ATXN1: variants seen among roughly 807,000 people sequenced by gnomAD.
ATXN1 encodes the protein ataxin 1.
Under a neutral mutation model 56.4 loss-of-function variants are expected in ATXN1, and 8 were observed. The observed-to-expected ratio is 0.14, with a 90% CI of 0.08 to 0.26. ATXN1 has a LOEUF of 0.26. Among genes scored for constraint, ATXN1 ranks in the 10% least tolerant of loss-of-function variants. ATXN1 has a pLI of 1.00. For missense variants in ATXN1, 987 were observed against 1,106.5 expected (o/e 0.89, Z 1.53); for synonymous variants, 514 against 494.6 (o/e 1.04, Z -0.52).
intron 6 of ATXN1, among the ~76,000 whole-genome samples, chr6:16,443,030 A>C (rs191853947): frequency 2.8e-3 from 428 of 151,014 alleles, no homozygotes; most frequent in Non-Finnish European, 4.4e-3. Flanking sequence ...AACAAACAAA[A>C]AAAATAGCGG....
At chr6:16,636,648 T>C (rs755424789) in intron 3 of ATXN1, among the ~76,000 whole-genome samples, 2 of 152,230 alleles carry the variant, frequency 1.3e-5, no homozygotes, top group Non-Finnish European at 2.9e-5. Flanking sequence ...AATGGTATCA[T>C]GAATTAATAT....
chr6:16,321,393 A>G (rs574313950), intron 7 of ATXN1, among the ~76,000 whole-genome samples: 2 of 152,110 alleles, frequency 1.3e-5, no homozygotes, highest in African/African-American at 4.8e-5. Flanking sequence ...CAAAGCAGCA[A>G]CTCTCTTCCA....
chr6:16,364,618 G>C (rs1203661540), intron 6 of ATXN1, among the ~76,000 whole-genome samples: 1 of 152,126 alleles, frequency 6.6e-6, no homozygotes, highest in Non-Finnish European at 1.5e-5. Context: ...TAGATATTTT[G>C]AGGTGGTAAG....
intron 6 of ATXN1, among the ~76,000 whole-genome samples, chr6:16,451,721 C>T (rs1399955051): frequency 9.9e-5 from 15 of 151,492 alleles, no homozygotes; most frequent in Admixed American, 1.3e-4. Flanking sequence ...TGCCATTGCT[C>T]TCCAGCGTGG....
At chr6:16,748,331 C>T (rs975536444) in intron 2 of ATXN1, among the ~76,000 whole-genome samples, 1 of 152,146 alleles carries the variant, frequency 6.6e-6, no homozygotes, top group Non-Finnish European at 1.5e-5. Flanking sequence ...ACTTCCTAGA[C>T]TGTGTTACCT....
intron 6 of ATXN1, among the ~76,000 whole-genome samples, chr6:16,439,873 G>A (rs772845459): frequency 3.3e-5 from 5 of 151,538 alleles, no homozygotes; most frequent in African/African-American, 1.2e-4. Flanking sequence ...TCGGAAGTTC[G>A]AGACCAGCCT....
intron 3 of ATXN1, among the ~76,000 whole-genome samples, chr6:16,592,875 T>TG (rs1469777694): frequency 0.15 from 2,078 of 13,650 alleles, 19 homozygotes; most frequent in Middle Eastern, 0.28. Context: ...CGGGTGGGGG[T>TG]GGGGGGTTGG....
chr6:16,730,506 T>TATATATATATATAA (rs1367623215), intron 2 of ATXN1, among the ~76,000 whole-genome samples: 2 of 147,132 alleles, frequency 1.4e-5, no homozygotes, highest in African/African-American at 4.9e-5. Context: ...TATATATATA[T>TATATATATATATAA]AAATGTATTT....
chr6:16,431,765 C>T (rs1331695625), intron 6 of ATXN1, among the ~76,000 whole-genome samples: 1 of 152,194 alleles, frequency 6.6e-6, no homozygotes, highest in African/African-American at 2.4e-5. Flanking sequence ...TCCTTCTTCG[C>T]CACTATGCAA....
At chr6:16,652,298 A>G (rs189780686) in intron 3 of ATXN1, among the ~76,000 whole-genome samples, 94 of 152,278 alleles carry the variant, frequency 6.2e-4, no homozygotes, top group African/African-American at 2.2e-3. Context: ...CGCTTTTCCT[A>G]TTTACATCTG....
Position 16,326,367 on chromosome 6 carries a change from T to A in ATXN1, c.1917+27A>T, listed in dbSNP as rs776646106. On this transcript the variant is annotated intron_variant, in intron 7 of 7. Transcript: ENST00000436367. This position sits in a 1 kb window ranked among gnomAD's most constrained non-coding sequence, Gnocchi z 6.6. ...GATGGCATCACGGTGTGGTGTCCCA[T>A]CCCTGTGCCACCCTGGCTAACGTTA... 1 of 1,609,516 alleles carries A rather than the reference T, an allele frequency of 6.2e-7. No homozygotes were observed. Among genetic ancestry groups the A allele is most frequent in the Non-Finnish European group, 8.5e-7 (1 of 1,178,262 alleles).
chr6:16,372,355 T>C (rs368482563), intron 6 of ATXN1, among the ~76,000 whole-genome samples: 5 of 151,784 alleles, frequency 3.3e-5, no homozygotes, highest in African/African-American at 1.2e-4. Context: ...GGAAAAGAAG[T>C]TGAGAGGGAA....
chr6:16,330,161 C>A (rs1005921173), intron 6 of ATXN1, among the ~76,000 whole-genome samples: 1 of 152,048 alleles, frequency 6.6e-6, no homozygotes, highest in Middle Eastern at 3.4e-3. Context: ...AGAAATCCTC[C>A]TTCCTTGGCC....
chr6:16,580,719 A>G (rs1762513010), intron 4 of ATXN1, among the ~76,000 whole-genome samples: 1 of 152,252 alleles, frequency 6.6e-6, no homozygotes, highest in Admixed American at 6.5e-5. Context: ...GTTATTTTAA[A>G]ACTTTAAAGT....
intron 6 of ATXN1, among the ~76,000 whole-genome samples, chr6:16,390,701 C>T (rs74931603): frequency 6.6e-6 from 1 of 151,884 alleles, no homozygotes; most frequent in South Asian, 2.1e-4. Context: ...CACACACACA[C>T]ACACACGCAT....
chr6:16,641,745 C>A (rs1331240889), intron 3 of ATXN1, among the ~76,000 whole-genome samples: 1 of 152,192 alleles, frequency 6.6e-6, no homozygotes, highest in African/African-American at 2.4e-5. Context: ...GAAATACATT[C>A]TGTAAGGCTA....
intron 4 of ATXN1, among the ~76,000 whole-genome samples, chr6:16,527,806 T>A (rs558251182): frequency 3.1e-4 from 47 of 152,362 alleles, no homozygotes; most frequent in Admixed American, 8.5e-4. Flanking sequence ...TATCATGGAA[T>A]ATGAACTGAG....
At chr6:16,674,053 A>T (rs941617048) in intron 2 of ATXN1, among the ~76,000 whole-genome samples, 20 of 151,906 alleles carry the variant, frequency 1.3e-4, no homozygotes, top group African/African-American at 4.6e-4. Context: ...AACGTGTTTT[A>T]TATATATATA....
At chr6:16,674,495 G>A (rs185051577) in intron 2 of ATXN1, among the ~76,000 whole-genome samples, 122 of 150,444 alleles carry the variant, frequency 8.1e-4, no homozygotes, top group African/African-American at 2.8e-3. Flanking sequence ...GATTACAGGC[G>A]CCCACCACCA....
Sources: gnomAD v4.1 joint callset for allele counts (sites outside exome capture counted in the v4.1 genomes callset) on GRCh38, gnomAD v4.1.1 for gene constraint, Gnocchi (gnomAD v3.1) non-coding constraint, MANE v1.5 for transcripts, NCBI Gene and HGNC (gene_info 2026-07-23, HGNC 2026-07-21) for gene names.